CHST9: variants seen among roughly 807,000 people sequenced by gnomAD.
CHST9 encodes carbohydrate sulfotransferase 9.
Under a neutral mutation model 44.4 loss-of-function variants are expected in CHST9, and 41 were observed. The ratio of observed to expected loss-of-function variants is 0.92; its 90% CI spans 0.72 to 1.20. The LOEUF (loss-of-function observed/expected upper bound fraction) is 1.20, where lower values mean the gene tolerates loss of function less well. Among genes scored for constraint, CHST9 ranks in the 50% most tolerant of loss-of-function variants. CHST9 has a pLI of 0.00. For missense variants in CHST9, 504 were observed against 516.5 expected, an observed-to-expected ratio of 0.98 and a Z score of 0.23; for synonymous variants, 171 against 178.4, an observed-to-expected ratio of 0.96 and a Z score of 0.33.
At chr18:27,136,648 A>C (rs995837851) in intron 2 of CHST9, among the ~76,000 whole-genome samples, 1 of 152,180 alleles carries the variant, frequency 6.6e-6, no homozygotes, top group African/African-American at 2.4e-5. Context: ...AGTGGGTGTG[A>C]TGTGTTTAGA....
rs1568151335 is a variant in CHST9 at position 27,053,282 on chromosome 18, G to GAAGGAGAAGGAGAAGGAC, written c.122-4780_122-4779insGTCCTTCTCCTTCTCCTT. Among the ~76,000 whole-genome samples the GAAGGAGAAGGAGAAGGAC allele has an allele frequency of 9.1e-4, 122 of 134,306 alleles. 4 individuals are homozygous for GAAGGAGAAGGAGAAGGAC. Among genetic ancestry groups the GAAGGAGAAGGAGAAGGAC allele is most frequent in the African/African-American group, 2.9e-3 (102 of 34,934 alleles). The allele number at this position is 134,306 out of a possible 152,430, so 88.1% of individuals were successfully genotyped here. A position where few individuals can be genotyped will look rare whatever the true frequency, so the allele number is the denominator to read the frequency against. Reference sequence around the variant, plus strand: ...AGAAGGAGAAGGAGAAGGAGAAGGAGAAGGAGAAGGAGAAGGAGAAGGAGA... The same window carrying GAAGGAGAAGGAGAAGGAC: ...AGAAGGAGAAGGAGAAGGAGAAGGAGAAGGAGAAGGAGAAGGACAAGGAGAAGGAGAAGGAGAAGGAGA... On this transcript the variant is annotated intron_variant, in intron 2 of 5. Transcript: ENST00000618847.
intron 4 of CHST9, among the ~76,000 whole-genome samples, chr18:26,961,633 G>T (rs2056401859): frequency 6.6e-6 from 1 of 152,084 alleles, no homozygotes; most frequent in South Asian, 2.1e-4. Flanking sequence ...TTGCTTTATT[G>T]TTCAGGCTGT....
At chr18:27,118,855 C>T (rs551736672) in intron 2 of CHST9, among the ~76,000 whole-genome samples, 2 of 152,228 alleles carry the variant, frequency 1.3e-5, no homozygotes, top group South Asian at 4.1e-4. Context: ...CATCACCCAC[C>T]GTATGCAAAT....
chr18:26,988,561 G>A (rs2056780524), intron 4 of CHST9, among the ~76,000 whole-genome samples: 2 of 152,012 alleles, frequency 1.3e-5, no homozygotes, highest in African/African-American at 4.8e-5. Context: ...AAAACTGATA[G>A]GGCACCATTG....
chr18:27,167,610 G>C (rs761530747), intron 1 of CHST9, among the ~76,000 whole-genome samples: 4 of 152,084 alleles, frequency 2.6e-5, no homozygotes, highest in Non-Finnish European at 4.4e-5. Context: ...TTAGGTATTG[G>C]GATACAAAGG....
intron 2 of CHST9, among the ~76,000 whole-genome samples, chr18:27,113,113 C>T (rs530759494): frequency 4.0e-5 from 6 of 151,550 alleles, no homozygotes; most frequent in African/African-American, 4.9e-5. Flanking sequence ...GGCATGAACC[C>T]GGGAGGCGGA....
At chr18:27,077,171 G>A (rs2057912918) in intron 2 of CHST9, among the ~76,000 whole-genome samples, 1 of 152,104 alleles carries the variant, frequency 6.6e-6, no homozygotes, top group Admixed American at 6.5e-5. Flanking sequence ...GTGCTAGTGG[G>A]TTTTTCTTTC....
At chr18:27,031,017 G>A (rs2057335397) in intron 3 of CHST9, among the ~76,000 whole-genome samples, 1 of 152,104 alleles carries the variant, frequency 6.6e-6, no homozygotes, top group Non-Finnish European at 1.5e-5. Context: ...CATCCCATAA[G>A]TGTTCTCATA....
At chr18:27,085,275 C>G (rs2058001032) in intron 2 of CHST9, among the ~76,000 whole-genome samples, 1 of 152,004 alleles carries the variant, frequency 6.6e-6, no homozygotes. Flanking sequence ...CAAGTGGGAC[C>G]TAATTAAACT....
chr18:27,095,604 T>C (rs910924864), intron 2 of CHST9, among the ~76,000 whole-genome samples: 5 of 152,116 alleles, frequency 3.3e-5, no homozygotes, highest in Non-Finnish European at 5.9e-5. Flanking sequence ...AGATCTACCA[T>C]GGAAACGGAA....
chr18:27,146,107 G>T (rs180995930), intron 1 of CHST9, among the ~76,000 whole-genome samples: 1 of 152,274 alleles, frequency 6.6e-6, no homozygotes, highest in South Asian at 2.1e-4. Context: ...CTGTGGGAAC[G>T]GTGGGAGTAA....
At chr18:27,011,641 G>C (rs2057086808) in intron 4 of CHST9, among the ~76,000 whole-genome samples, 1 of 152,232 alleles carries the variant, frequency 6.6e-6, no homozygotes, top group East Asian at 1.9e-4. Flanking sequence ...GAAGACCATA[G>C]AAATAAGTTC....
chr18:27,184,887 T>A (rs879516081), intron 1 of CHST9, among the ~76,000 whole-genome samples: 1 of 151,888 alleles, frequency 6.6e-6, no homozygotes, highest in African/African-American at 2.4e-5. Flanking sequence ...CAGGATCCCC[T>A]CCTGCTCCCG....
intron 5 of CHST9, among the ~76,000 whole-genome samples, chr18:26,927,141 GTTC>G (rs565773799): frequency 6.1e-4 from 93 of 152,288 alleles, no homozygotes; most frequent in Admixed American, 7.8e-4. Context: ...GCTAGACAGA[GTTC>G]TTCTTCTTGT....
Position 26,942,203 on chromosome 18 carries a change from G to A in CHST9, c.240+2126C>T, listed in dbSNP as rs1019942216. Among the ~76,000 whole-genome samples the A allele has an allele frequency of 2.6e-5, 4 of 152,174 alleles. No homozygotes were observed. The South Asian group carries it at 8.3e-4, about 31-fold the overall frequency. The stretch of plus-strand genomic sequence containing the variant: ...CTTTATTTCTTGACTCTCTGCCAGA[G>A]TTTATATAAATTAGAGGTATAAGAT... On this transcript the variant is annotated intron_variant, in intron 5 of 5. Transcript: ENST00000618847.
chr18:26,929,245 A>G (rs1269411083), intron 5 of CHST9, among the ~76,000 whole-genome samples: 1 of 152,216 alleles, frequency 6.6e-6, no homozygotes, highest in East Asian at 1.9e-4. Flanking sequence ...AGAGAAGGCA[A>G]TCCTAACTTT....
At chr18:27,127,827 GAGGGGAGCC>G (rs2058437995) in intron 2 of CHST9, among the ~76,000 whole-genome samples, 1 of 152,178 alleles carries the variant, frequency 6.6e-6, no homozygotes, top group Non-Finnish European at 1.5e-5. Context: ...AAGTAGCTGA[GAGGGGAGCC>G]AGGCATGAAG....
At chr18:27,030,386 C>A (rs1439804147) in intron 3 of CHST9, among the ~76,000 whole-genome samples, 1 of 152,146 alleles carries the variant, frequency 6.6e-6, no homozygotes, top group Non-Finnish European at 1.5e-5. Flanking sequence ...AAGGAGATTA[C>A]AAGCCATGGA....
intron 2 of CHST9, among the ~76,000 whole-genome samples, chr18:27,107,947 G>A (rs544223756): frequency 3.9e-5 from 6 of 152,176 alleles, no homozygotes; most frequent in East Asian, 1.9e-4. Flanking sequence ...TCAATCTCAC[G>A]TCCACGTTAT....
Sources: allele counts gnomAD v4.1 joint callset (sites outside exome capture counted in the v4.1 genomes callset), GRCh38; gene constraint gnomAD v4.1.1; transcripts MANE v1.5; gene names NCBI Gene and HGNC (gene_info 2026-07-23, HGNC 2026-07-21).